The following FMN1 variants were observed in gnomAD, a reference collection of about 807,000 sequenced individuals.
The protein encoded by FMN1 is formin-1.
Under a neutral mutation model 132.4 loss-of-function variants are expected in FMN1, and 110 were observed. The ratio of observed to expected loss-of-function variants is 0.83; its 90% CI spans 0.71 to 0.97. The LOEUF (loss-of-function observed/expected upper bound fraction) is 0.97. Ranked by LOEUF, FMN1 falls within the 50% of genes least tolerant of loss-of-function variation. The probability of loss-of-function intolerance (pLI) is 0.00; values close to 1 mark genes in which losing one functional copy is unlikely to be tolerated. For synonymous variants in FMN1, 722 were observed against 651.7 expected (o/e 1.11, Z -1.64); for missense variants, 1,792 against 1,705.3 (o/e 1.05, Z -0.90).
intron 17 of FMN1, among the ~76,000 whole-genome samples, chr15:32,826,662 A>G (rs1327386459): frequency 1.3e-5 from 2 of 152,194 alleles, no homozygotes; most frequent in African/African-American, 4.8e-5. Flanking sequence ...GCTTTGCTCC[A>G]TTCTTAAGTC....
intron 16 of FMN1, among the ~76,000 whole-genome samples, chr15:32,878,211 G>T (rs1220741764): frequency 6.6e-6 from 1 of 152,204 alleles, no homozygotes; most frequent in Non-Finnish European, 1.5e-5. Flanking sequence ...CATCGTGTTG[G>T]AACACAAAGA....
intron 4 of FMN1, among the ~76,000 whole-genome samples, chr15:33,119,292 C>T (rs1266320793): frequency 1.3e-5 from 2 of 152,152 alleles, no homozygotes; most frequent in Non-Finnish European, 2.9e-5. Flanking sequence ...ACTTCCAAAT[C>T]CTGGGAACTG....
rs377332552 is a variant in FMN1, at chr15:33,138,851, G to T, written c.1867+14197C>A. The stretch of plus-strand genomic sequence containing the variant: ...TAGGAGCAGCATCCTTCCAAAGTCT[G>T]CTCTGGCCCTTCACTATCTCTGACC... On this transcript the variant is annotated intron_variant, in intron 4 of 20. Transcript: ENST00000616417. Among the ~76,000 whole-genome samples the T allele has an allele frequency of 3.3e-5, 5 of 152,136 alleles. No homozygotes were observed. In the East Asian group the frequency reaches 7.7e-4, roughly 24 times the overall value.
intron 6 of FMN1, among the ~76,000 whole-genome samples, chr15:33,046,258 G>A (rs343903): frequency 0.37 from 56,172 of 151,946 alleles, 10,886 homozygotes; most frequent in Admixed American, 0.47. Flanking sequence ...GGGAAGCAGC[G>A]AGTCTTACAG....
At chr15:32,949,608 G>A (rs1257826710) in intron 9 of FMN1, among the ~76,000 whole-genome samples, 2 of 151,842 alleles carry the variant, frequency 1.3e-5, no homozygotes, top group Non-Finnish European at 2.9e-5. Context: ...AACTCTAGAA[G>A]ACAACCTAGG....
intron 7 of FMN1, among the ~76,000 whole-genome samples, chr15:32,993,632 T>C (rs1316221051): frequency 6.6e-6 from 1 of 152,038 alleles, no homozygotes; most frequent in Non-Finnish European, 1.5e-5. Flanking sequence ...ATTCAAGAAT[T>C]ATTTATTGTA....
At chr15:32,977,211 G>A (rs1361467392) in intron 7 of FMN1, among the ~76,000 whole-genome samples, 1 of 152,150 alleles carries the variant, frequency 6.6e-6, no homozygotes, top group African/African-American at 2.4e-5. Flanking sequence ...CTGTTTTCCA[G>A]ATGAAGAAAG....
In FMN1 at chr15:32,952,157, C is replaced by A. The variant is rs2061668330; in HGVS notation, c.3138+11950G>T. ...TTTATAGGGCTAAGTTTTTCAGATA[C>A]CTCCACACCCCAAGAGTATATGTAT... is the stretch of plus-strand genomic sequence containing the variant. On this transcript the variant is annotated intron_variant, in intron 9 of 20. Coordinates refer to ENST00000616417, the MANE Select transcript of FMN1 (RefSeq NM_001277313.2). Among the ~76,000 whole-genome samples, 3 of 152,182 alleles carry A rather than the reference C, an allele frequency of 2.0e-5. No homozygotes were observed. In the South Asian group the frequency reaches 6.2e-4, roughly 32 times the overall value.
chr15:33,089,013 C>A, intron 4 of FMN1, 39 bp from the exon 5 acceptor site: 2 of 1,487,132 alleles, frequency 1.3e-6, no homozygotes, highest in Admixed American at 2.2e-5. Flanking sequence ...GACATGGCAG[C>A]CAAATAAATA....
At chr15:32,984,266 G>T (rs2032907489) in intron 7 of FMN1, among the ~76,000 whole-genome samples, 3 of 151,678 alleles carry the variant, frequency 2.0e-5, no homozygotes, top group Non-Finnish European at 2.9e-5. Flanking sequence ...GACTACTTTG[G>T]GTTTTTTATT....
chr15:33,151,262 C>T (rs780592042), intron 4 of FMN1: 19 of 1,535,932 alleles, frequency 1.2e-5, no homozygotes, highest in Non-Finnish European at 2.6e-6. Flanking sequence ...AAGCTCTTAC[C>T]CACTTCTACT....
At chr15:33,097,496 A>T (rs2039133361) in intron 4 of FMN1, among the ~76,000 whole-genome samples, 1 of 152,204 alleles carries the variant, frequency 6.6e-6, no homozygotes, top group African/African-American at 2.4e-5. Flanking sequence ...TGATAAAAAG[A>T]CAATTATAAA....
intron 20 of FMN1, 131 bp from the exon 21 acceptor site, chr15:32,774,485 C>T (rs377196994): frequency 3.0e-6 from 2 of 671,522 alleles, no homozygotes; most frequent in Admixed American, 2.6e-5. Context: ...GAGAGTACCT[C>T]TACTGCTTTC....
intron 19 of FMN1, among the ~76,000 whole-genome samples, chr15:32,788,058 T>G (rs977345333): frequency 0.038 from 13 of 342 alleles, no homozygotes; most frequent in African/African-American, 0.049. Flanking sequence ...ATCACTTGTA[T>G]ACCCAAACAT....
intron 10 of FMN1, among the ~76,000 whole-genome samples, chr15:32,921,132 A>G (rs1440642834): frequency 6.6e-6 from 1 of 152,204 alleles, no homozygotes; most frequent in African/African-American, 2.4e-5. Flanking sequence ...AAATAAGAGT[A>G]TTAAATTAGG....
intron 15 of FMN1, among the ~76,000 whole-genome samples, chr15:32,896,364 G>T (rs1394409720): frequency 6.6e-6 from 1 of 151,794 alleles, no homozygotes; most frequent in Non-Finnish European, 1.5e-5. Flanking sequence ...TTCTAAGATT[G>T]ATTAGAATTT....
intron 3 of FMN1, among the ~76,000 whole-genome samples, chr15:33,156,288 T>G (rs1195459440): frequency 2.0e-5 from 3 of 148,836 alleles, no homozygotes; most frequent in Non-Finnish European, 4.5e-5. Context: ...TTTTTTTTTT[T>G]TTTTTTTTTT....
rs1417231327 is a variant in FMN1, at chr15:32,769,040, A to AG, written c.*5269dup. 1 of 152,228 alleles carries AG rather than the reference A, an allele frequency of 6.6e-6. No individual in the cohort carries two copies. Among genetic ancestry groups the AG allele is most frequent in the African/African-American group, 2.4e-5 (1 of 41,454 alleles). The allele number at this position is 152,228 out of a possible 1,614,324, so 9.4% of individuals were successfully genotyped here. A position where few individuals can be genotyped will look rare whatever the true frequency, so the allele number is the denominator to read the frequency against. On this transcript the variant is annotated 3_prime_UTR_variant, in exon 21 of 21. Coordinates refer to ENST00000616417, the MANE Select transcript of FMN1 (RefSeq NM_001277313.2). ...TTAGGAGAAGGGCTGGGGATAGAGG[A>AG]GGAAATGAGTTCCGTAAGTTCCACC...
At position 32,950,042 on chromosome 15, in the gene FMN1, T is replaced by C. The variant is rs377703980; in HGVS notation, c.3138+14065A>G. ...ACATATATATATATATACACATATA[T>C]ATATATATACACATATATATATATA... On this transcript the variant is annotated intron_variant, in intron 9 of 20. Transcript: ENST00000616417. 5.7e-3 allele frequency among the ~76,000 whole-genome samples: 38 copies of C among 6,634 alleles called. 1 individual carries two copies. Among genetic ancestry groups the C allele is most frequent in the South Asian group, 0.019 (2 of 106 alleles). 4.4% of individuals were successfully genotyped at this position (6,634 alleles called of 152,430 possible).
Sources: allele counts gnomAD v4.1 joint callset (sites outside exome capture counted in the v4.1 genomes callset), GRCh38; gene constraint gnomAD v4.1.1; transcripts MANE v1.5; gene names NCBI Gene and HGNC (gene_info 2026-07-23, HGNC 2026-07-21).